RFX4: variants seen among roughly 807,000 people sequenced by gnomAD.
RFX4 encodes the protein transcription factor RFX4.
In RFX4, 10 loss-of-function variants were observed where a neutral mutation model predicts 95.0. That is an observed-to-expected ratio of 0.11 (90% CI 0.06 to 0.18). The LOEUF is 0.18. Among genes scored for constraint, RFX4 ranks in the 10% least tolerant of loss-of-function variants. The pLI is 1.00. For missense variants in RFX4, 640 were observed against 922.0 expected (o/e 0.69, Z 3.96); for synonymous variants, 321 against 340.7 (o/e 0.94, Z 0.64).
intron 1 of RFX4, chr12:106,601,068 G>A: frequency 8.0e-7 from 1 of 1,253,536 alleles, no homozygotes; most frequent in Non-Finnish European, 1.1e-6. Flanking sequence ...AATGAGGGAA[G>A]GAATGAAAGC....
At chr12:106,696,579 A>C in intron 8 of RFX4, 133 bp downstream of exon 8, 1 of 813,914 alleles carries the variant, frequency 1.2e-6, no homozygotes, top group Non-Finnish European at 1.8e-6. Flanking sequence ...GAACTTTTAA[A>C]TATTAAAGTT....
At chr12:106,750,203 A>G (rs1043669650) in intron 16 of RFX4, among the ~76,000 whole-genome samples, 14 of 152,312 alleles carry the variant, frequency 9.2e-5, no homozygotes, top group African/African-American at 3.4e-4. Flanking sequence ...GAGGCCGGAC[A>G]CGGTAGCTCA....
intron 16 of RFX4, among the ~76,000 whole-genome samples, 179 bp from the exon 17 acceptor site, chr12:106,750,476 C>CAA (rs374736367): frequency 1.8e-4 from 9 of 49,304 alleles, no homozygotes; most frequent in Admixed American, 4.0e-4. Context: ...GACCCTGACT[C>CAA]AAAAAAAAAA....
Position 106,608,845 on chromosome 12 carries a change from C to G in RFX4, c.92C>G (p.Ser31Cys), listed in dbSNP as rs781746140. 36 of 1,611,466 alleles carry G rather than the reference C, an allele frequency of 2.2e-5. No individual in the cohort carries two copies. Among genetic ancestry groups the G allele is most frequent in the Non-Finnish European group, 3.1e-5 (36 of 1,179,378 alleles). The change falls in exon 2 of 18, where the codon TCC becomes TGC. Residue 31 changes from serine (S) to cysteine (C), a missense_variant. By Grantham distance (112) the Ser-to-Cys change is moderately radical (BLOSUM62 -1). Coordinates refer to ENST00000392842, the MANE Select transcript of RFX4 (RefSeq NM_213594.3). Reference protein sequence around the residue: ...CLNESENKRYSSHTSLGNVSN... With the variant: ...CLNESENKRYCSHTSLGNVSN... ...AACGAAAGTGAAAACAAACGTTATTCCAGCCACACATCTCTGGGGAATGTT... is the reference window on the plus strand; with the variant it reads ...AACGAAAGTGAAAACAAACGTTATTGCAGCCACACATCTCTGGGGAATGTT...
chr12:106,657,066 G>C (rs983181338), intron 4 of RFX4, among the ~76,000 whole-genome samples: 4 of 152,166 alleles, frequency 2.6e-5, no homozygotes, highest in Admixed American at 2.6e-4. Context: ...TTTCCACACT[G>C]AGCTTGCTGG....
At chr12:106,695,900 C>G (rs2041869229) in intron 7 of RFX4, among the ~76,000 whole-genome samples, 1 of 152,150 alleles carries the variant, frequency 6.6e-6, no homozygotes, top group African/African-American at 2.4e-5. Context: ...TCAGTGGGCT[C>G]AAAGAATAGT....
chr12:106,737,252 ATT>A (rs2042728403), intron 15 of RFX4, among the ~76,000 whole-genome samples: 1 of 120,570 alleles, frequency 8.3e-6, no homozygotes, highest in Admixed American at 1.2e-4. Flanking sequence ...GCATTTACTC[ATT>A]TACTCACCTA....
chr12:106,701,937 GC>G (rs2041999838), intron 8 of RFX4, among the ~76,000 whole-genome samples: 1 of 152,000 alleles, frequency 6.6e-6, no homozygotes, highest in Non-Finnish European at 1.5e-5. Context: ...AATTAATTGA[GC>G]CCAGAAATTT....
chr12:106,647,126 C>G (rs2040763149), intron 3 of RFX4, among the ~76,000 whole-genome samples: 1 of 152,260 alleles, frequency 6.6e-6, no homozygotes, highest in South Asian at 2.1e-4. Context: ...GGTAAACTGT[C>G]AGTTTCTTAA....
At chr12:106,600,075 T>C (rs1220967625) in intron 1 of RFX4, among the ~76,000 whole-genome samples, 1 of 152,156 alleles carries the variant, frequency 6.6e-6, no homozygotes, top group South Asian at 2.1e-4. Context: ...TAACCCAGCA[T>C]TGAGTACAGA....
intron 8 of RFX4, among the ~76,000 whole-genome samples, 199 bp from the exon 9 acceptor site, chr12:106,709,131 C>A (rs2042146047): frequency 6.6e-6 from 1 of 152,146 alleles, no homozygotes; most frequent in East Asian, 1.9e-4. Flanking sequence ...CAGCAGAGTA[C>A]ATTCTATTCG....
At chr12:106,750,955 C>G (rs2042991713) in intron 17 of RFX4, among the ~76,000 whole-genome samples, 162 bp downstream of exon 17, 1 of 143,000 alleles carries the variant, frequency 7.0e-6, no homozygotes, top group Non-Finnish European at 1.5e-5. Flanking sequence ...TATTATTATA[C>G]TTTAAGTTTT....
chr12:106,584,846 G>A (rs192552991), intron 1 of RFX4, among the ~76,000 whole-genome samples: 211 of 152,312 alleles, frequency 1.4e-3, no homozygotes, highest in African/African-American at 4.7e-3. Context: ...TGAGCCCCCA[G>A]GGAGTGGGGA....
chr12:106,760,375 G>A lies in RFX4; in HGVS notation c.1936-822G>A, dbSNP rs2136108980. 2.6e-5 allele frequency among the ~76,000 whole-genome samples: 4 copies of A among 152,234 alleles called. No individual in the cohort carries two copies. The South Asian group carries it at 8.3e-4, about 32-fold the overall frequency. On this transcript the variant is annotated intron_variant, in intron 17 of 17. Coordinates refer to ENST00000392842, the MANE Select transcript of RFX4 (RefSeq NM_213594.3). ...GGTAACAGAAAAGAATGTAAAAGAA[G>A]AAGCACTTCAGAAGCACTTCTCTTA...
chr12:106,619,432 A>G (rs1308235906), intron 2 of RFX4, among the ~76,000 whole-genome samples: 1 of 152,188 alleles, frequency 6.6e-6, no homozygotes, highest in Non-Finnish European at 1.5e-5. Context: ...GGGTCCAAAA[A>G]TGTCTATTGA....
chr12:106,726,915 G>A (rs1392281066), intron 13 of RFX4, among the ~76,000 whole-genome samples: 1 of 152,054 alleles, frequency 6.6e-6, no homozygotes, highest in Non-Finnish European at 1.5e-5. Flanking sequence ...GGGATTACAG[G>A]TGTGTACCAC....
At chr12:106,695,624 A>T (rs1042137006) in intron 7 of RFX4, among the ~76,000 whole-genome samples, 1 of 152,208 alleles carries the variant, frequency 6.6e-6, no homozygotes. Flanking sequence ...TTAAAAAGTC[A>T]GTCACACACA....
chr12:106,583,491 C>G, intron 1 of RFX4, 128 bp downstream of exon 1: 1 of 811,306 alleles, frequency 1.2e-6, no homozygotes, highest in African/African-American at 1.8e-5. Flanking sequence ...AAGAATAACG[C>G]AGAGCTTGCA....
chr12:106,756,065 T>C (rs781701823), intron 17 of RFX4, among the ~76,000 whole-genome samples: 14 of 152,254 alleles, frequency 9.2e-5, no homozygotes, highest in Non-Finnish European at 2.1e-4. Flanking sequence ...TCCTGGGTAC[T>C]ACAAAGGTAA....
Sources: allele counts gnomAD v4.1 joint callset (sites outside exome capture counted in the v4.1 genomes callset), GRCh38; gene constraint gnomAD v4.1.1; transcripts MANE v1.5; gene names NCBI Gene and HGNC (gene_info 2026-07-23, HGNC 2026-07-21).